Variants in PHF14 observed in about 807,000 individuals in gnomAD.
The protein encoded by PHF14 is PHD finger protein 14.
A neutral mutation model predicts 117.9 loss-of-function variants in PHF14; 55 were observed. The observed-to-expected ratio is 0.47, with a 90% CI of 0.38 to 0.58. PHF14 has a LOEUF of 0.58. Among genes scored for constraint, PHF14 ranks in the 20% least tolerant of loss-of-function variants. The probability of loss-of-function intolerance (pLI) is 0.00; values close to 1 mark genes in which losing one functional copy is unlikely to be tolerated. For synonymous variants in PHF14, 409 were observed against 368.6 expected, an observed-to-expected ratio of 1.11 and a Z score of -1.26; for missense variants, 978 against 1,122.2, an observed-to-expected ratio of 0.87 and a Z score of 1.84.
chr7:11,082,616 C>G, intron 16 of PHF14, among the ~76,000 whole-genome samples: 1 of 152,190 alleles, frequency 6.6e-6, no homozygotes, highest in East Asian at 1.9e-4. Context: ...TTGTACTTCC[C>G]AGTCTTCCTT....
chr7:10,998,915 T>C (rs1256598289), intron 4 of PHF14, among the ~76,000 whole-genome samples: 2 of 152,226 alleles, frequency 1.3e-5, no homozygotes, highest in Admixed American at 6.5e-5. Flanking sequence ...TCATTGACTA[T>C]GGATGTATTT....
chr7:11,056,844 T>C (rs1365233885), intron 14 of PHF14, among the ~76,000 whole-genome samples: 1 of 149,796 alleles, frequency 6.7e-6, no homozygotes, highest in East Asian at 1.9e-4. Context: ...TTAGAATAAA[T>C]TTTATATTGA....
intron 17 of PHF14, among the ~76,000 whole-genome samples, chr7:11,147,503 T>A (rs1019487818): frequency 6.6e-6 from 1 of 152,226 alleles, no homozygotes; most frequent in Non-Finnish European, 1.5e-5. Flanking sequence ...CTCTTGTTAA[T>A]GTCACTTACA....
chr7:11,114,592 A>G (rs1263878230), intron 17 of PHF14, among the ~76,000 whole-genome samples: 2 of 152,264 alleles, frequency 1.3e-5, no homozygotes, highest in East Asian at 1.9e-4. Flanking sequence ...AAGAATGACC[A>G]TTTATTATAC....
intron 16 of PHF14, chr7:11,104,450 A>G: frequency 2.1e-6 from 2 of 970,816 alleles, no homozygotes; most frequent in Non-Finnish European, 2.4e-6. Context: ...TAATCGGTCC[A>G]ACTACTATAA....
At chr7:10,993,923 T>C (rs1416383118) in intron 4 of PHF14, among the ~76,000 whole-genome samples, 3 of 150,048 alleles carry the variant, frequency 2.0e-5, no homozygotes, top group Non-Finnish European at 4.4e-5. Context: ...GCAGGAGATT[T>C]GCTGGAACCT....
chr7:11,069,835 C>T (rs565070779), intron 16 of PHF14, among the ~76,000 whole-genome samples: 1 of 151,686 alleles, frequency 6.6e-6, no homozygotes, highest in South Asian at 2.1e-4. Flanking sequence ...CCACCATGCC[C>T]AGCTGTTCTA....
At chr7:11,147,584 C>G (rs140794150) in intron 17 of PHF14, among the ~76,000 whole-genome samples, 19 of 152,280 alleles carry the variant, frequency 1.2e-4, no homozygotes, top group African/African-American at 4.6e-4. Context: ...TGTTATTTAA[C>G]AATGTCAACC....
At chr7:10,995,013 GT>G (rs1412634248) in intron 4 of PHF14, among the ~76,000 whole-genome samples, 2 of 152,266 alleles carry the variant, frequency 1.3e-5, no homozygotes, top group East Asian at 3.9e-4. Flanking sequence ...TGATTGGTCT[GT>G]TTTGACAGGG....
intron 4 of PHF14, among the ~76,000 whole-genome samples, chr7:10,991,933 T>A (rs1431148722): frequency 6.6e-6 from 1 of 151,364 alleles, no homozygotes; most frequent in Non-Finnish European, 1.5e-5. Flanking sequence ...TTTAAATTTT[T>A]AAAAATTATT....
chr7:11,030,916 A>G (rs12671644), intron 7 of PHF14, among the ~76,000 whole-genome samples: 4,168 of 152,312 alleles, frequency 0.027, 159 homozygotes, highest in East Asian at 0.1. Flanking sequence ...CAAAACCCAG[A>G]ATATTGCATG....
chr7:11,071,361 G>C, intron 16 of PHF14: 2 of 470,480 alleles, frequency 4.3e-6, no homozygotes, highest in South Asian at 1.6e-5. Flanking sequence ...TGATTATGTA[G>C]ACTATGATTA....
At chr7:11,080,393 G>A (rs1251491810) in intron 16 of PHF14, among the ~76,000 whole-genome samples, 2 of 151,892 alleles carry the variant, frequency 1.3e-5, no homozygotes, top group Non-Finnish European at 2.9e-5. Context: ...CAGAATTATA[G>A]AATTTTTCAT....
intron 17 of PHF14, among the ~76,000 whole-genome samples, chr7:11,160,082 A>G (rs1788978999): frequency 6.6e-6 from 1 of 151,962 alleles, no homozygotes; most frequent in Non-Finnish European, 1.5e-5. Context: ...TCCCCATTCT[A>G]GTAGTCTCCA....
At chr7:11,103,891 C>T (rs948967801) in intron 16 of PHF14, 3 of 980,758 alleles carry the variant, frequency 3.1e-6, no homozygotes, top group Non-Finnish European at 2.4e-6. Flanking sequence ...GAAAAATATT[C>T]ATAATCTTTA....
At chr7:11,146,561 G>C (rs1015201856) in intron 17 of PHF14, among the ~76,000 whole-genome samples, 5 of 152,146 alleles carry the variant, frequency 3.3e-5, no homozygotes, top group Non-Finnish European at 7.4e-5. Context: ...ATCATGTAGA[G>C]ATAATTCTTA....
At chr7:10,992,527 G>A (rs993817026) in intron 4 of PHF14, among the ~76,000 whole-genome samples, 8 of 151,908 alleles carry the variant, frequency 5.3e-5, no homozygotes, top group Non-Finnish European at 1.2e-4. Flanking sequence ...GCCGGGCGTG[G>A]TGGCTTATAC....
intron 3 of PHF14, among the ~76,000 whole-genome samples, chr7:10,989,976 T>G (rs1782387044): frequency 1.3e-5 from 2 of 152,220 alleles, no homozygotes; most frequent in Non-Finnish European, 1.5e-5. Flanking sequence ...ATTACCAGTT[T>G]ACACTGGATA....
intron 17 of PHF14, among the ~76,000 whole-genome samples, chr7:11,163,609 T>C (rs144602219): frequency 2.0e-3 from 306 of 152,308 alleles, no homozygotes; most frequent in African/African-American, 7.2e-3. Context: ...AAATGCACCA[T>C]TTAAAGAATT....
Sources: gnomAD v4.1 joint callset for allele counts (sites outside exome capture counted in the v4.1 genomes callset) on GRCh38, gnomAD v4.1.1 for gene constraint, MANE v1.5 for transcripts, NCBI Gene and HGNC (gene_info 2026-07-23, HGNC 2026-07-21) for gene names.